RSPO2: variants seen among roughly 807,000 people sequenced by gnomAD.
The protein encoded by RSPO2 is R-spondin 2.
Under a neutral mutation model 30.9 loss-of-function variants are expected in RSPO2, and 14 were observed. The ratio of observed to expected loss-of-function variants is 0.45; its 90% CI spans 0.30 to 0.71. The LOEUF (loss-of-function observed/expected upper bound fraction) is 0.71. RSPO2 is among the 30% of genes least tolerant of loss of function. The pLI is 0.08. For synonymous variants in RSPO2, 107 were observed against 96.4 expected, an observed-to-expected ratio of 1.11 and a Z score of -0.64; for missense variants, 264 against 301.9, an observed-to-expected ratio of 0.87 and a Z score of 0.93.
intron 2 of RSPO2, among the ~76,000 whole-genome samples, chr8:108,021,831 G>A (rs780840557): frequency 6.6e-6 from 1 of 152,008 alleles, no homozygotes; most frequent in Non-Finnish European, 1.5e-5. Context: ...TGCATGTGGG[G>A]CTTAAAACCT....
chr8:108,036,832 T>C (rs1586647838), intron 2 of RSPO2, among the ~76,000 whole-genome samples: 1 of 152,192 alleles, frequency 6.6e-6, no homozygotes, highest in East Asian at 1.9e-4. Flanking sequence ...TTTTTCATTA[T>C]TATTAATCTG....
chr8:107,911,602 CTAAA>C (rs1193608676), intron 5 of RSPO2, among the ~76,000 whole-genome samples: 4 of 152,170 alleles, frequency 2.6e-5, no homozygotes, highest in African/African-American at 7.2e-5. Flanking sequence ...CACACAAACA[CTAAA>C]TAAACGATAG....
intron 3 of RSPO2, among the ~76,000 whole-genome samples, chr8:107,963,147 A>T (rs529443881): frequency 6.6e-6 from 1 of 151,980 alleles, no homozygotes; most frequent in Non-Finnish European, 1.5e-5. Context: ...TATAAATATG[A>T]TATGTTCAAA....
chr8:108,050,822 G>A (rs1224256245), intron 2 of RSPO2, among the ~76,000 whole-genome samples: 1 of 152,130 alleles, frequency 6.6e-6, no homozygotes, highest in Non-Finnish European at 1.5e-5. Context: ...TTCAAGATCA[G>A]AGAGAAAGAC....
At position 107,960,754 on chromosome 8, in the gene RSPO2, C is replaced by T. The variant is rs769106083; in HGVS notation, c.347G>A (p.Gly116Asp). The change falls in exon 4 of 6, where the codon GGC becomes GAC. Residue 116 changes from glycine (G) to aspartate (D), a missense_variant. Transcript: ENST00000276659. ...GCAACGGCCTCTATGCAAATAAAAG[C>T]CTACTTTGCACTTGGTACAAAAGTC... ...SKDFCTKCKV[G>D]FYLHRGRCFD... 1.9e-6 allele frequency: 3 copies of T among 1,612,530 alleles called. No homozygotes were observed. Among genetic ancestry groups the T allele is most frequent in the South Asian group, 2.2e-5 (2 of 90,902 alleles).
chr8:107,938,819 C>G (rs1411638672), intron 5 of RSPO2, among the ~76,000 whole-genome samples: 1 of 152,138 alleles, frequency 6.6e-6, no homozygotes, highest in Non-Finnish European at 1.5e-5. Flanking sequence ...TGAACTGAGG[C>G]AGTTAAGTCC....
chr8:108,011,229 G>GAAAGGA (rs1373777249), intron 2 of RSPO2, among the ~76,000 whole-genome samples: 10 of 148,766 alleles, frequency 6.7e-5, no homozygotes, highest in African/African-American at 2.6e-4. Context: ...AAGGAAAAGG[G>GAAAGGA]AAAGGAAAAG....
chr8:108,047,404 G>T (rs1370241340), intron 2 of RSPO2, among the ~76,000 whole-genome samples: 1 of 152,150 alleles, frequency 6.6e-6, no homozygotes, highest in African/African-American at 2.4e-5. Flanking sequence ...TAATGATGAA[G>T]AATTGGCACA....
At chr8:107,960,579 G>T (rs978000474) in intron 4 of RSPO2, 95 bp downstream of exon 4, 4 of 1,197,190 alleles carry the variant, frequency 3.3e-6, no homozygotes, top group Admixed American at 4.6e-5. Context: ...GAACCAATTT[G>T]TTTCTTAGTT....
intron 2 of RSPO2, among the ~76,000 whole-genome samples, chr8:107,989,922 A>G (rs1814790175): frequency 6.6e-6 from 1 of 152,224 alleles, no homozygotes; most frequent in Non-Finnish European, 1.5e-5. Context: ...CTTAACATCA[A>G]GATGAACAAA....
At chr8:108,048,424 A>G (rs746952561) in intron 2 of RSPO2, among the ~76,000 whole-genome samples, 1 of 151,858 alleles carries the variant, frequency 6.6e-6, no homozygotes, top group Non-Finnish European at 1.5e-5. Context: ...CTCATGTATT[A>G]AAACCATAGC....
intron 5 of RSPO2, among the ~76,000 whole-genome samples, chr8:107,936,892 G>A (rs545254581): frequency 7.2e-5 from 11 of 152,040 alleles, no homozygotes; most frequent in East Asian, 3.9e-4. Context: ...CTGGATATTC[G>A]TCTCTTATTG....
intron 5 of RSPO2, among the ~76,000 whole-genome samples, chr8:107,935,080 A>C (rs1812672692): frequency 6.6e-6 from 1 of 152,188 alleles, no homozygotes; most frequent in African/African-American, 2.4e-5. Flanking sequence ...ATTGGACCTG[A>C]CTGCCTGCGG....
At chr8:107,951,624 C>T (rs1813251582) in intron 5 of RSPO2, among the ~76,000 whole-genome samples, 1 of 152,084 alleles carries the variant, frequency 6.6e-6, no homozygotes, top group African/African-American at 2.4e-5. Flanking sequence ...ATAAAAGAGA[C>T]TAGTACGTGC....
intron 3 of RSPO2, among the ~76,000 whole-genome samples, chr8:107,981,297 T>C (rs1043840841): frequency 1.3e-5 from 2 of 152,184 alleles, no homozygotes; most frequent in Non-Finnish European, 2.9e-5. Flanking sequence ...GATGGGGGGA[T>C]TTCCTGAGCT....
intron 5 of RSPO2, among the ~76,000 whole-genome samples, chr8:107,913,318 G>A (rs780166125): frequency 6.6e-6 from 1 of 152,140 alleles, no homozygotes; most frequent in Admixed American, 6.6e-5. Flanking sequence ...CAAACCCCAT[G>A]AACTGGTCAT....
At chr8:108,063,340 A>G (rs1657156377) in intron 2 of RSPO2, among the ~76,000 whole-genome samples, 1 of 151,906 alleles carries the variant, frequency 6.6e-6, no homozygotes, top group African/African-American at 2.4e-5. Flanking sequence ...AAGTCTCAGG[A>G]TATAAAATCA....
chr8:108,018,360 C>G (rs1219821006), intron 2 of RSPO2, among the ~76,000 whole-genome samples: 1 of 152,196 alleles, frequency 6.6e-6, no homozygotes, highest in African/African-American at 2.4e-5. Context: ...CCTTCTCACA[C>G]TGTAGTATAT....
At chr8:108,064,543 G>A (rs1277244544) in intron 2 of RSPO2, among the ~76,000 whole-genome samples, 2 of 152,160 alleles carry the variant, frequency 1.3e-5, no homozygotes, top group Non-Finnish European at 1.5e-5. Context: ...GAGAGGATGT[G>A]GAGAAATAGG....
Sources: allele counts gnomAD v4.1 joint callset (sites outside exome capture counted in the v4.1 genomes callset), GRCh38; gene constraint gnomAD v4.1.1; transcripts MANE v1.5; gene names NCBI Gene and HGNC (gene_info 2026-07-23, HGNC 2026-07-21).